The following CAMTA1 variants were observed in gnomAD, a reference collection of about 807,000 sequenced individuals.
The protein encoded by CAMTA1 is calmodulin binding transcription activator 1.
CAMTA1 carries 27 observed loss-of-function variants against 170.9 expected under a neutral mutation model. That is an observed-to-expected ratio of 0.16 (90% CI 0.12 to 0.22). The LOEUF (loss-of-function observed/expected upper bound fraction) is 0.22, where lower values mean the gene tolerates loss of function less well. CAMTA1 is among the 10% of genes least tolerant of loss of function. CAMTA1 has a pLI of 1.00. For missense variants in CAMTA1, 1,619 were observed against 2,217.2 expected (o/e 0.73, Z 5.42); for synonymous variants, 833 against 891.5 (o/e 0.93, Z 1.17).
At chr1:6,858,494 G>GGT (rs1557709951) in intron 3 of CAMTA1, among the ~76,000 whole-genome samples, 2 of 144,850 alleles carry the variant, frequency 1.4e-5, no homozygotes, top group South Asian at 2.2e-4. Flanking sequence ...GTTGGGGGGG[G>GGT]GGTGTTGTGA....
intron 7 of CAMTA1, among the ~76,000 whole-genome samples, chr1:7,654,970 A>G (rs577549766): frequency 7.6e-4 from 112 of 148,072 alleles, no homozygotes; most frequent in African/African-American, 2.7e-3. Flanking sequence ...ACACCCACCT[A>G]TACACACACA....
chr1:7,668,388 A>AACACACACAAAC (rs1553241633), intron 9 of CAMTA1, among the ~76,000 whole-genome samples: 141 of 101,460 alleles, frequency 1.4e-3, no homozygotes, highest in African/African-American at 4.3e-3. Flanking sequence ...GCTGGTCACC[A>AACACACACAAAC]ACACACACAC....
intron 5 of CAMTA1, among the ~76,000 whole-genome samples, chr1:7,451,660 G>A (rs2092827753): frequency 6.6e-6 from 1 of 152,112 alleles, no homozygotes. Context: ...CCTTCCTCCT[G>A]TCAATGAACC....
At chr1:7,108,446 G>C (rs778967146) in intron 4 of CAMTA1, among the ~76,000 whole-genome samples, 1 of 152,140 alleles carries the variant, frequency 6.6e-6, no homozygotes, top group Non-Finnish European at 1.5e-5. Context: ...GGCTCTGTAC[G>C]CACACAGCCC....
chr1:7,022,980 T>G (rs1351273045), intron 3 of CAMTA1, among the ~76,000 whole-genome samples: 1 of 152,150 alleles, frequency 6.6e-6, no homozygotes, highest in Non-Finnish European at 1.5e-5. Flanking sequence ...GTAAACCCCT[T>G]AAGGGCTGAG....
rs540583448 is a variant in CAMTA1 at position 7,466,338 on chromosome 1, T to C, written c.439-1492T>C. Among the ~76,000 whole-genome samples the C allele has an allele frequency of 3.3e-5, 5 of 152,346 alleles. No homozygotes were observed. The South Asian group carries it at 1.0e-3, about 32-fold the overall frequency. On this transcript the variant is annotated intron_variant, in intron 5 of 22. Transcript: ENST00000303635. ...TTTAAATTAATTTCCGCTTTGTATG[T>C]TTGGTTTATACAGGGCTTAAGTCCC...
intron 3 of CAMTA1, among the ~76,000 whole-genome samples, chr1:6,826,397 C>T (rs182881149): frequency 7.9e-4 from 121 of 152,246 alleles, no homozygotes; most frequent in African/African-American, 2.1e-3. Flanking sequence ...TGCTGTTTAA[C>T]CAGTTATTTA....
At chr1:7,351,920 G>A (rs1424566543) in intron 5 of CAMTA1, among the ~76,000 whole-genome samples, 2 of 152,244 alleles carry the variant, frequency 1.3e-5, no homozygotes, top group African/African-American at 2.4e-5. Context: ...GCACGCAAGT[G>A]AGAAGGAGTT....
intron 3 of CAMTA1, among the ~76,000 whole-genome samples, chr1:7,084,721 G>A (rs1166642660): frequency 6.6e-6 from 1 of 152,164 alleles, no homozygotes; most frequent in Non-Finnish European, 1.5e-5. Context: ...TTCCTGTGAT[G>A]TCTGCATCTA....
chr1:6,900,772 G>T (rs1676762504), intron 3 of CAMTA1, among the ~76,000 whole-genome samples: 1 of 152,184 alleles, frequency 6.6e-6, no homozygotes, highest in Non-Finnish European at 1.5e-5. Context: ...ATCTGTGAGA[G>T]AAATTAAGAG....
At chr1:6,899,400 T>C (rs1253013027) in intron 3 of CAMTA1, among the ~76,000 whole-genome samples, 1 of 152,260 alleles carries the variant, frequency 6.6e-6, no homozygotes. Flanking sequence ...CCTGTAGGGC[T>C]GGGTATACAA....
At chr1:7,269,240 A>G (rs1186519411) in intron 5 of CAMTA1, among the ~76,000 whole-genome samples, 3 of 152,204 alleles carry the variant, frequency 2.0e-5, no homozygotes, top group African/African-American at 7.2e-5. Flanking sequence ...TGATTGTTTT[A>G]CAAAATCAGT....
chr1:6,830,046 T>A (rs1649141200), intron 3 of CAMTA1, among the ~76,000 whole-genome samples: 1 of 146,698 alleles, frequency 6.8e-6, no homozygotes, highest in African/African-American at 2.5e-5. Flanking sequence ...ATTTTTTATT[T>A]TTTTTTTTGA....
At chr1:7,472,771 C>T (rs915200454) in intron 6 of CAMTA1, among the ~76,000 whole-genome samples, 9 of 152,176 alleles carry the variant, frequency 5.9e-5, no homozygotes, top group Non-Finnish European at 1.3e-4. Context: ...AGAGCAGGCA[C>T]CGTGAGACTA....
intron 5 of CAMTA1, among the ~76,000 whole-genome samples, chr1:7,380,061 T>C (rs1575016122): frequency 6.6e-6 from 1 of 152,230 alleles, no homozygotes; most frequent in African/African-American, 2.4e-5. Context: ...TGCAGGAACA[T>C]TGCTAGAATT....
chr1:7,275,500 G>C (rs892137870), intron 5 of CAMTA1, among the ~76,000 whole-genome samples: 6 of 151,948 alleles, frequency 3.9e-5, no homozygotes, highest in African/African-American at 1.4e-4. Flanking sequence ...AGATCAATAA[G>C]TTGAAAAATT....
intron 6 of CAMTA1, among the ~76,000 whole-genome samples, chr1:7,515,554 G>A (rs1014117003): frequency 4.6e-5 from 7 of 152,118 alleles, no homozygotes; most frequent in East Asian, 1.9e-4. Flanking sequence ...GTTTAAACCC[G>A]GGCCAGGGCT....
At chr1:7,255,331 A>G (rs968504804) in intron 5 of CAMTA1, among the ~76,000 whole-genome samples, 3 of 152,310 alleles carry the variant, frequency 2.0e-5, no homozygotes, top group East Asian at 3.9e-4. Flanking sequence ...AAATTAAATT[A>G]AAAGAAAAAC....
At chr1:7,582,825 A>G (rs1534225) in intron 6 of CAMTA1, among the ~76,000 whole-genome samples, 4,450 of 151,620 alleles carry the variant, frequency 0.029, 219 homozygotes, top group African/African-American at 0.1. Flanking sequence ...CTGTGCACCC[A>G]GGAGACTGGG....
Sources: gnomAD v4.1 joint callset for allele counts (sites outside exome capture counted in the v4.1 genomes callset) on GRCh38, gnomAD v4.1.1 for gene constraint, MANE v1.5 for transcripts, NCBI Gene and HGNC (gene_info 2026-07-23, HGNC 2026-07-21) for gene names.